The following RAD51B variants were observed in gnomAD, a reference collection of about 807,000 sequenced individuals.
RAD51B encodes the protein RAD51 paralog B.
A neutral mutation model predicts 42.2 loss-of-function variants in RAD51B; 38 were observed. The ratio of observed to expected loss-of-function variants is 0.90; its 90% CI spans 0.70 to 1.18. RAD51B has a LOEUF of 1.18. Among genes scored for constraint, RAD51B ranks in the 50% most tolerant of loss-of-function variants. The probability of loss-of-function intolerance (pLI) is 0.00; values close to 1 mark genes in which losing one functional copy is unlikely to be tolerated. For missense variants in RAD51B, 373 were observed against 400.7 expected, an observed-to-expected ratio of 0.93 and a Z score of 0.59; for synonymous variants, 154 against 145.2, an observed-to-expected ratio of 1.06 and a Z score of -0.43.
intron 4 of RAD51B, among the ~76,000 whole-genome samples, chr14:67,854,588 T>G (rs538334376): frequency 6.6e-6 from 1 of 151,476 alleles, no homozygotes; most frequent in South Asian, 2.1e-4. Flanking sequence ...GAGCTGAGAT[T>G]GCACTACTGC....
intron 8 of RAD51B, among the ~76,000 whole-genome samples, chr14:68,402,850 G>C (rs1185719587): frequency 6.6e-6 from 1 of 152,134 alleles, no homozygotes; most frequent in East Asian, 1.9e-4. Flanking sequence ...TCTTGTCATG[G>C]ATGAGGAAAC....
intron 10 of RAD51B, among the ~76,000 whole-genome samples, chr14:68,633,848 A>G (rs1266495288): frequency 5.3e-5 from 8 of 152,202 alleles, no homozygotes; most frequent in African/African-American, 1.9e-4. Context: ...TGTTTGGACA[A>G]CAGTGGGCTT....
intron 7 of RAD51B, among the ~76,000 whole-genome samples, chr14:68,104,372 C>T (rs1323216892): frequency 6.6e-6 from 1 of 152,080 alleles, no homozygotes; most frequent in East Asian, 1.9e-4. Context: ...CTCAAAAAAG[C>T]ATGGTAGGTT....
intron 8 of RAD51B, among the ~76,000 whole-genome samples, chr14:68,393,967 G>A (rs1033379399): frequency 6.6e-6 from 1 of 152,140 alleles, no homozygotes; most frequent in Admixed American, 6.5e-5. Context: ...GACAGAGGAA[G>A]AGAAGAACTG....
intron 11 of RAD51B, among the ~76,000 whole-genome samples, chr14:68,655,408 G>T (rs555234131): frequency 6.6e-6 from 1 of 152,128 alleles, no homozygotes; most frequent in Non-Finnish European, 1.5e-5. Context: ...TCAAATAGAC[G>T]GGGTGTGGGG....
chr14:68,273,762 C>A (rs2081167255), intron 7 of RAD51B, among the ~76,000 whole-genome samples: 1 of 152,148 alleles, frequency 6.6e-6, no homozygotes, highest in Non-Finnish European at 1.5e-5. Flanking sequence ...TTATAGCTCA[C>A]TGCAGCCTCG....
chr14:67,885,816 T>A, intron 5 of RAD51B, 53 bp from the exon 6 acceptor site: 1 of 1,537,672 alleles, frequency 6.5e-7, no homozygotes, highest in Non-Finnish European at 8.8e-7. Context: ...TTCAGCAATG[T>A]GGCTTTAAGT....
chr14:68,566,662 C>CA (rs1039201035), intron 10 of RAD51B, among the ~76,000 whole-genome samples: 9 of 152,324 alleles, frequency 5.9e-5, no homozygotes, highest in African/African-American at 2.2e-4. Flanking sequence ...AGAAACCCCC[C>CA]CGGTGCCTCA....
At chr14:68,284,446 C>A (rs1323545547) in intron 7 of RAD51B, among the ~76,000 whole-genome samples, 2 of 152,200 alleles carry the variant, frequency 1.3e-5, no homozygotes, top group African/African-American at 4.8e-5. Flanking sequence ...GGACTCAACA[C>A]TTTTAGGTAC....
chr14:68,637,088 CTT>C (rs147488212), intron 10 of RAD51B, among the ~76,000 whole-genome samples: 1 of 151,716 alleles, frequency 6.6e-6, no homozygotes, highest in African/African-American at 2.4e-5. Context: ...TCTTAACAAA[CTT>C]TTTTTTTCAG....
intron 7 of RAD51B, among the ~76,000 whole-genome samples, chr14:68,176,407 T>A (rs2078963216): frequency 6.6e-6 from 1 of 152,170 alleles, no homozygotes; most frequent in Non-Finnish European, 1.5e-5. Flanking sequence ...AGCTCTTAAA[T>A]CCTTAGTCAT....
chr14:68,497,371 A>C, intron 10 of RAD51B: 1 of 1,204,574 alleles, frequency 8.3e-7, no homozygotes, highest in Non-Finnish European at 1.0e-6. Context: ...CTGATTTGAT[A>C]CCATGGCACT....
chr14:68,501,732 C>G (rs939483825), intron 10 of RAD51B, among the ~76,000 whole-genome samples: 1 of 152,270 alleles, frequency 6.6e-6, no homozygotes, highest in Non-Finnish European at 1.5e-5. Flanking sequence ...GTGCCCACTT[C>G]TCAAGATAGT....
At chr14:68,429,958 C>G (rs1370368249) in intron 9 of RAD51B, among the ~76,000 whole-genome samples, 2 of 152,198 alleles carry the variant, frequency 1.3e-5, no homozygotes, top group Non-Finnish European at 2.9e-5. Flanking sequence ...TTTCAGCTTT[C>G]TACATATGGC....
At chr14:68,509,518 A>C (rs753730737) in intron 10 of RAD51B, among the ~76,000 whole-genome samples, 66 of 152,298 alleles carry the variant, frequency 4.3e-4, no homozygotes, top group Middle Eastern at 6.8e-3. Context: ...ATTCCTTCTT[A>C]TTGTCATTGC....
intron 11 of RAD51B, among the ~76,000 whole-genome samples, chr14:68,665,726 A>T (rs1438744545): frequency 1.3e-5 from 2 of 152,218 alleles, no homozygotes; most frequent in East Asian, 3.8e-4. Context: ...TGGCTAGATT[A>T]TGAATGTTTA....
chr14:67,997,998 T>A (rs1009067815), intron 7 of RAD51B, among the ~76,000 whole-genome samples: 11 of 152,210 alleles, frequency 7.2e-5, no homozygotes, highest in Non-Finnish European at 1.5e-4. Flanking sequence ...GAATTGTGGA[T>A]CAGTACAACC....
chr14:68,373,226 C>T (rs985633492), intron 8 of RAD51B, among the ~76,000 whole-genome samples: 5 of 152,150 alleles, frequency 3.3e-5, no homozygotes, highest in Non-Finnish European at 5.9e-5. Flanking sequence ...TACTGATTAC[C>T]CTGAGTATGT....
At chr14:68,585,411 C>T (rs1431197657) in intron 10 of RAD51B, among the ~76,000 whole-genome samples, 2 of 152,188 alleles carry the variant, frequency 1.3e-5, no homozygotes, top group Non-Finnish European at 2.9e-5. Flanking sequence ...AGCGAGTCTC[C>T]CCTCGGACTT....
Sources: allele counts gnomAD v4.1 joint callset (sites outside exome capture counted in the v4.1 genomes callset), GRCh38; gene constraint gnomAD v4.1.1; transcripts MANE v1.5; gene names NCBI Gene and HGNC (gene_info 2026-07-23, HGNC 2026-07-21).